The following PTPRD variants were observed in gnomAD, a reference collection of about 807,000 sequenced individuals.
PTPRD encodes the protein receptor-type tyrosine-protein phosphatase delta.
Under a neutral mutation model 214.5 loss-of-function variants are expected in PTPRD, and 34 were observed. That is an observed-to-expected ratio of 0.16 (90% confidence interval 0.12 to 0.21). PTPRD has a LOEUF of 0.21. PTPRD is among the 10% of genes least tolerant of loss of function. The pLI is 1.00. For missense variants in PTPRD, 2,545 were observed against 2,398.7 expected, an observed-to-expected ratio of 1.06 and a Z score of -1.27; for synonymous variants, 1,128 against 845.7, an observed-to-expected ratio of 1.33 and a Z score of -5.79.
chr9:8,946,000 C>A (rs904124842), intron 11 of PTPRD, among the ~76,000 whole-genome samples: 2 of 152,130 alleles, frequency 1.3e-5, no homozygotes, highest in Non-Finnish European at 2.9e-5. Flanking sequence ...CTAGGAAAGT[C>A]CTCCTAAGCC....
intron 13 of PTPRD, among the ~76,000 whole-genome samples, chr9:8,634,215 C>T (rs1168353704): frequency 1.3e-5 from 2 of 150,790 alleles, no homozygotes; most frequent in Non-Finnish European, 2.9e-5. Flanking sequence ...ATCCTGGGTA[C>T]TTGTTAGCTA....
intron 3 of PTPRD, among the ~76,000 whole-genome samples, chr9:10,105,191 A>G (rs1446554164): frequency 6.6e-6 from 1 of 151,702 alleles, no homozygotes; most frequent in Non-Finnish European, 1.5e-5. Flanking sequence ...AATGGCTACT[A>G]AAGTACTCTC....
At chr9:8,886,983 C>A (rs1277833821) in intron 11 of PTPRD, among the ~76,000 whole-genome samples, 1 of 152,170 alleles carries the variant, frequency 6.6e-6, no homozygotes, top group Non-Finnish European at 1.5e-5. Flanking sequence ...ACTTCCTAGG[C>A]ACTGGACATT....
At chr9:8,704,706 A>C (rs2098165417) in intron 12 of PTPRD, among the ~76,000 whole-genome samples, 1 of 151,624 alleles carries the variant, frequency 6.6e-6, no homozygotes, top group African/African-American at 2.4e-5. Flanking sequence ...AGGCGAGCGG[A>C]TCACGAGGTC....
At chr9:8,432,354 A>C (rs186340507) in intron 35 of PTPRD, among the ~76,000 whole-genome samples, 1 of 152,334 alleles carries the variant, frequency 6.6e-6, no homozygotes, top group Non-Finnish European at 1.5e-5. Flanking sequence ...GCTTTCACTA[A>C]ATTCACTGTT....
intron 43 of PTPRD, 125 bp from the exon 44 acceptor site, chr9:8,331,861 C>T: frequency 8.6e-7 from 1 of 1,167,642 alleles, no homozygotes; most frequent in Non-Finnish European, 1.2e-6. Context: ...AAGTTAGGAA[C>T]ATGTTTAAAT....
chr9:9,947,596 A>AAT (rs1491435177), intron 4 of PTPRD, among the ~76,000 whole-genome samples: 1,393 of 47,570 alleles, frequency 0.029, 186 homozygotes, highest in African/African-American at 0.17. Context: ...TTATATATAT[A>AAT]ATATATATAT....
At chr9:8,957,499 T>C (rs1296334259) in intron 11 of PTPRD, among the ~76,000 whole-genome samples, 1 of 151,876 alleles carries the variant, frequency 6.6e-6, no homozygotes. Flanking sequence ...AATCAAACCC[T>C]GTCCACTATA....
chr9:9,611,656 C>T (rs1008007665), intron 7 of PTPRD, among the ~76,000 whole-genome samples: 5 of 151,938 alleles, frequency 3.3e-5, no homozygotes, highest in Admixed American at 6.6e-5. Context: ...CACACACCCA[C>T]GTGTGTATCC....
At chr9:9,199,340 G>T (rs961269619) in intron 9 of PTPRD, among the ~76,000 whole-genome samples, 1 of 152,212 alleles carries the variant, frequency 6.6e-6, no homozygotes. Flanking sequence ...CTTCTGTTAT[G>T]TAAAATACCT....
chr9:10,098,580 T>C (rs2098518848), intron 3 of PTPRD, among the ~76,000 whole-genome samples: 1 of 151,766 alleles, frequency 6.6e-6, no homozygotes, highest in Non-Finnish European at 1.5e-5. Context: ...TGGAAAGAGG[T>C]AGAGGTATCT....
intron 3 of PTPRD, among the ~76,000 whole-genome samples, chr9:10,194,501 G>A (rs887403159): frequency 6.6e-6 from 1 of 151,694 alleles, no homozygotes; most frequent in Admixed American, 6.6e-5. Flanking sequence ...GTTGAAAGAT[G>A]TTAAATTCTT....
chr9:9,292,192 T>G (rs1272632575), intron 9 of PTPRD, among the ~76,000 whole-genome samples: 1 of 146,186 alleles, frequency 6.8e-6, no homozygotes, highest in Non-Finnish European at 1.5e-5. Context: ...CTTTTTTTTT[T>G]CTTTCCCATA....
chr9:9,910,517 C>G (rs1166306481), intron 5 of PTPRD, among the ~76,000 whole-genome samples: 1 of 151,942 alleles, frequency 6.6e-6, no homozygotes, highest in African/African-American at 2.4e-5. Flanking sequence ...GTGTAGGGGT[C>G]TGAAAATTTC....
chr9:9,866,294 T>C (rs191252547), intron 5 of PTPRD, among the ~76,000 whole-genome samples: 34 of 128,998 alleles, frequency 2.6e-4, no homozygotes, highest in Middle Eastern at 4.1e-3. Context: ...GTGAATTACA[T>C]AGAAAAGTAT....
chr9:9,738,437 C>G (rs894828125), intron 6 of PTPRD, among the ~76,000 whole-genome samples: 33 of 71,964 alleles, frequency 4.6e-4, no homozygotes, highest in African/African-American at 3.6e-3. Context: ...TTCACTCACT[C>G]ACTTTTTTTT....
chr9:10,116,410 T>C (rs995230934), intron 3 of PTPRD, among the ~76,000 whole-genome samples: 1 of 152,160 alleles, frequency 6.6e-6, no homozygotes, highest in Admixed American at 6.5e-5. Flanking sequence ...GTATCTGTTT[T>C]GGTCACTAAA....
At chr9:9,333,996 T>C (rs1377942571) in intron 9 of PTPRD, among the ~76,000 whole-genome samples, 1 of 151,992 alleles carries the variant, frequency 6.6e-6, no homozygotes, top group Non-Finnish European at 1.5e-5. Flanking sequence ...GGAGGAACTA[T>C]GACTAAGCTA....
intron 9 of PTPRD, among the ~76,000 whole-genome samples, chr9:9,395,548 C>T (rs773038821): frequency 2.6e-5 from 4 of 152,108 alleles, no homozygotes; most frequent in Admixed American, 1.3e-4. Context: ...CTTCTTCAAG[C>T]ACCTACAAGA....
Sources: allele counts gnomAD v4.1 joint callset (sites outside exome capture counted in the v4.1 genomes callset), GRCh38; gene constraint gnomAD v4.1.1; transcripts MANE v1.5; gene names NCBI Gene and HGNC (gene_info 2026-07-23, HGNC 2026-07-21).